ZNF827: variants seen among roughly 807,000 people sequenced by gnomAD.
ZNF827 encodes the protein zinc finger protein 827.
A neutral mutation model predicts 102.4 loss-of-function variants in ZNF827; 13 were observed. The ratio of observed to expected loss-of-function variants is 0.13; its 90% CI spans 0.08 to 0.20. The LOEUF (loss-of-function observed/expected upper bound fraction) is 0.20. ZNF827 is among the 10% of genes least tolerant of loss of function. The pLI is 1.00. For missense variants in ZNF827, 1,103 were observed against 1,344.4 expected (o/e 0.82, Z 2.81); for synonymous variants, 523 against 536.2 (o/e 0.98, Z 0.34).
rs1164854158 is a variant in ZNF827 at position 145,902,283 on chromosome 4, T to C, written c.976A>G (p.Lys326Glu). 6.3e-7 allele frequency: 1 copy of C among 1,588,240 alleles called. No homozygotes were observed. Among genetic ancestry groups the C allele is most frequent in the Non-Finnish European group, 8.5e-7 (1 of 1,169,688 alleles). The change falls in exon 2 of 15, where the codon AAA becomes GAA. Residue 326 changes from lysine (K) to glutamate (E), a missense_variant. Coordinates refer to ENST00000508784, the MANE Select transcript of ZNF827 (RefSeq NM_001306215.2). The surrounding 1 kb of genome is among the most constrained non-coding windows in gnomAD (Gnocchi z 4.3). ...GGCGGTGGAGGTGGCGGAGTGACTT[T>C]TTCTGGTTTCTTCTCTGAAGGCGGG... ...PPPPSEKKPE[K>E]VTPPPPPPPP...
At position 145,768,905 on chromosome 4, in the gene ZNF827, AT is replaced by A. The variant is rs1560894618; in HGVS notation, c.2861-3168del. On this transcript the variant is annotated intron_variant, in intron 11 of 14. Coordinates refer to ENST00000508784, the MANE Select transcript of ZNF827 (RefSeq NM_001306215.2). ...AAAAAAAAAAAATATATATATATATATATATATATATTAGGTATACAAAGTT... is the reference window on the plus strand; with the variant it reads ...AAAAAAAAAAAATATATATATATATAATATATATATTAGGTATACAAAGTT... 8.7e-4 allele frequency among the ~76,000 whole-genome samples: 30 copies of A among 34,502 alleles called. 5 individuals are homozygous for A. Among genetic ancestry groups the A allele is most frequent in the East Asian group, 3.2e-3 (3 of 930 alleles). 22.6% of individuals were successfully genotyped at this position (34,502 alleles called of 152,430 possible). A position where few individuals can be genotyped will look rare whatever the true frequency, so the allele number is the denominator to read the frequency against.
At chr4:145,886,259 A>T in intron 3 of ZNF827, 101 bp from the exon 4 acceptor site, 1 of 1,459,812 alleles carries the variant, frequency 6.9e-7, no homozygotes. Context: ...CACCGTGCAA[A>T]GGGCTGGCCT....
At chr4:145,829,561 T>C (rs999866813) in intron 7 of ZNF827, among the ~76,000 whole-genome samples, 4 of 152,242 alleles carry the variant, frequency 2.6e-5, no homozygotes, top group African/African-American at 9.6e-5. Flanking sequence ...AATTTTCTTT[T>C]GTGTTACTTT....
rs1560938122 is a variant in ZNF827 at position 145,799,989 on chromosome 4, T to C, written c.2384-20478A>G. Reference sequence around the variant, plus strand: ...ATCACCTTCTACCTTATTTAAGCCATTGCTATTTTGGCCTTTTTTTTACAG... The same window carrying C: ...ATCACCTTCTACCTTATTTAAGCCACTGCTATTTTGGCCTTTTTTTTACAG... On this transcript the variant is annotated intron_variant, in intron 8 of 14. Transcript: ENST00000508784. 2.1e-5 allele frequency among the ~76,000 whole-genome samples: 3 copies of C among 145,868 alleles called. No homozygotes were observed. The South Asian group carries it at 6.5e-4, about 31-fold the overall frequency.
chr4:145,769,622 C>T (rs560244579), intron 11 of ZNF827, among the ~76,000 whole-genome samples: 76 of 152,310 alleles, frequency 5.0e-4, no homozygotes, highest in African/African-American at 1.7e-3. Context: ...ACAGCCTCTC[C>T]TGTTTCTGTC....
chr4:145,779,246 T>C (rs1737580861), intron 9 of ZNF827, 128 bp downstream of exon 9: 1 of 1,249,060 alleles, frequency 8.0e-7, no homozygotes, highest in Non-Finnish European at 1.1e-6. Flanking sequence ...CCAGAGAAAA[T>C]GGCTTGAAAA....
chr4:145,795,091 G>T (rs1560933142), intron 8 of ZNF827, among the ~76,000 whole-genome samples: 1 of 152,188 alleles, frequency 6.6e-6, no homozygotes, highest in Non-Finnish European at 1.5e-5. Context: ...TGTACTGGGG[G>T]TGTCCTCACA....
In ZNF827 at chr4:145,768,909, ATATATAT is replaced by A. The variant is rs1560894697; in HGVS notation, c.2861-3178_2861-3172del. Among the ~76,000 whole-genome samples, 19 of 41,962 alleles carry A rather than the reference ATATATAT, an allele frequency of 4.5e-4. 2 individuals are homozygous for A. Among genetic ancestry groups the A allele is most frequent in the Admixed American group, 8.0e-4 (3 of 3,736 alleles). The allele number at this position is 41,962 out of a possible 152,430, so 27.5% of individuals were successfully genotyped here. A position where few individuals can be genotyped will look rare whatever the true frequency, so the allele number is the denominator to read the frequency against. ...AAAAAAAATATATATATATATATAT[ATATATAT>A]TAGGTATACAAAGTTTGGAAATAGA... On this transcript the variant is annotated intron_variant, in intron 11 of 14. Transcript: ENST00000508784.
chr4:145,764,870 C>T (rs1735041408), intron 13 of ZNF827, 118 bp downstream of exon 13: 1 of 1,423,016 alleles, frequency 7.0e-7, no homozygotes. Context: ...TAACTCCTCT[C>T]ATACCAAGCT....
At chr4:145,784,814 T>G (rs559816681) in intron 8 of ZNF827, among the ~76,000 whole-genome samples, 54 of 152,332 alleles carry the variant, frequency 3.5e-4, no homozygotes, top group African/African-American at 1.3e-3. Context: ...CTTAAGATTC[T>G]CTTCATTTCT....
chr4:145,870,500 T>C, intron 4 of ZNF827, 22 bp from the exon 5 acceptor site: 3 of 1,607,518 alleles, frequency 1.9e-6, no homozygotes, highest in Non-Finnish European at 1.7e-6. Flanking sequence ...AAAAAAGGGA[T>C]TATATATACA....
intron 8 of ZNF827, among the ~76,000 whole-genome samples, chr4:145,800,984 C>G (rs1383603167): frequency 6.6e-6 from 1 of 152,102 alleles, no homozygotes. Flanking sequence ...TGGTGATTAC[C>G]AAGGGCAAAG....
rs760248437 is a variant in ZNF827, at chr4:145,902,596, G to A, written c.663C>T (p.Ala221=). Residue 221 remains alanine (A), a synonymous_variant, in exon 2 of 15, where the codon GCC becomes GCT. Transcript: ENST00000508784. This position sits in a 1 kb window ranked among gnomAD's most constrained non-coding sequence, Gnocchi z 4.3. ...AILKLKAAAN[A]VLQDKSLTRT... The stretch of plus-strand genomic sequence containing the variant: ...TGGTGAGAGATTTGTCCTGCAGAAC[G>A]GCATTGGCTGCAGCTTTCAGTTTTA... 1.4e-5 allele frequency: 22 copies of A among 1,613,894 alleles called. No homozygotes were observed. Among genetic ancestry groups the A allele is most frequent in the African/African-American group, 5.3e-5 (4 of 74,912 alleles).
At chr4:145,889,325 C>A (rs1389268521) in intron 3 of ZNF827, among the ~76,000 whole-genome samples, 1 of 152,114 alleles carries the variant, frequency 6.6e-6, no homozygotes, top group Non-Finnish European at 1.5e-5. Flanking sequence ...GTTGTTTCTC[C>A]AGGCTGGGCA....
rs767954297 is a variant in ZNF827, at chr4:145,870,251, G to A, written c.1975C>T (p.Leu659Phe). 6.2e-7 allele frequency: 1 copy of A among 1,613,642 alleles called. No individual in the cohort carries two copies. The highest frequency in any genetic ancestry group is 1.1e-5 in the South Asian group (1 of 91,026). Residue 659 changes from leucine to phenylalanine, a missense_variant, in exon 5 of 15, where the codon CTC becomes TTC. This residue lies in a region of ZNF827 where 243 missense variants were observed against 251.6 expected (regional missense o/e 0.97). Coordinates refer to ENST00000508784, the MANE Select transcript of ZNF827 (RefSeq NM_001306215.2). Reference sequence around the variant, plus strand: ...TTTAGAATAAATCAAGTACCTGAGAGTTTCATGAGAAGTTCAGAGGCTGCT... The same window carrying A: ...TTTAGAATAAATCAAGTACCTGAGAATTTCATGAGAAGTTCAGAGGCTGCT... ...VKAASELLMK[L>F]SAESYKETQM...
At chr4:145,919,638 A>C (rs187111518) in intron 1 of ZNF827, among the ~76,000 whole-genome samples, 1 of 152,242 alleles carries the variant, frequency 6.6e-6, no homozygotes, top group Non-Finnish European at 1.5e-5. Context: ...AACCAGAAAT[A>C]TGAAGAATGC....
intron 8 of ZNF827, among the ~76,000 whole-genome samples, chr4:145,822,975 G>T (rs1224379913): frequency 6.6e-6 from 1 of 152,224 alleles, no homozygotes; most frequent in African/African-American, 2.4e-5. Flanking sequence ...TTTCCTCAGT[G>T]AGCTGTCTCG....
At chr4:145,823,330 C>T (rs979872091) in intron 8 of ZNF827, 92 bp downstream of exon 8, 40 of 1,064,816 alleles carry the variant, frequency 3.8e-5, no homozygotes, top group Admixed American at 1.3e-4. Context: ...TAACTACATC[C>T]GTAAGCTGAA....
chr4:145,812,927 G>A (rs1392996381), intron 8 of ZNF827, among the ~76,000 whole-genome samples: 5 of 151,986 alleles, frequency 3.3e-5, no homozygotes, highest in East Asian at 3.9e-4. Context: ...GGTCAACTGC[G>A]GTGTGAAAAT....
Sources: allele counts gnomAD v4.1 joint callset (sites outside exome capture counted in the v4.1 genomes callset), GRCh38; gene constraint gnomAD v4.1.1; regional missense constraint gnomAD v4.1.1; non-coding constraint Gnocchi (gnomAD v3.1); transcripts MANE v1.5; gene names NCBI Gene and HGNC (gene_info 2026-07-23, HGNC 2026-07-21).